MATN2: variants seen among roughly 807,000 people sequenced by gnomAD.
MATN2 encodes matrilin-2.
MATN2 carries 69 observed loss-of-function variants against 103.2 expected under a neutral mutation model. The ratio of observed to expected loss-of-function variants is 0.67; its 90% CI spans 0.55 to 0.82. MATN2 has a LOEUF of 0.82. Among genes scored for constraint, MATN2 ranks in the 40% least tolerant of loss-of-function variants. The pLI is 0.00. For missense variants in MATN2, 1,023 were observed against 1,211.5 expected (o/e 0.84, Z 2.31); for synonymous variants, 429 against 450.2 (o/e 0.95, Z 0.60).
At chr8:97,950,516 G>T (rs934487816) in intron 4 of MATN2, among the ~76,000 whole-genome samples, 2 of 152,104 alleles carry the variant, frequency 1.3e-5, no homozygotes, top group African/African-American at 4.8e-5. Context: ...CTATGGGCCT[G>T]ATACTCTTAT....
At chr8:98,011,421 G>T (rs1032982940) in intron 10 of MATN2, among the ~76,000 whole-genome samples, 2 of 152,164 alleles carry the variant, frequency 1.3e-5, no homozygotes, top group Non-Finnish European at 2.9e-5. Context: ...CCCTTATTTT[G>T]TGGGAAACGG....
chr8:98,032,729 A>G lies in MATN2; in HGVS notation c.2582-313A>G, dbSNP rs546887978. Among the ~76,000 whole-genome samples the G allele has an allele frequency of 3.2e-4, 49 of 152,034 alleles. 1 individual carries two copies. Among genetic ancestry groups the G allele is most frequent in the Admixed American group, 2.1e-3 (32 of 15,272 alleles). ...GTATTTTTAGTAGAGACGGGGTTTT[A>G]CCATGTTGGCCAGGCTGGTCTTGAA... On this transcript the variant is annotated intron_variant, in intron 16 of 18. Transcript: ENST00000254898.
chr8:97,885,792 C>T (rs892528251), intron 1 of MATN2, among the ~76,000 whole-genome samples: 4 of 152,034 alleles, frequency 2.6e-5, no homozygotes, highest in African/African-American at 9.7e-5. Flanking sequence ...GAGTGAGACC[C>T]TGTCTCAAAA....
intron 1 of MATN2, 84 bp from the exon 2 acceptor site, chr8:97,887,991 C>T (rs1448033862): frequency 2.6e-5 from 34 of 1,306,476 alleles, no homozygotes; most frequent in South Asian, 2.9e-5. Flanking sequence ...TCTGAAAAGG[C>T]GGGGCAGCGG....
At chr8:98,032,995 C>A in intron 16 of MATN2, 47 bp from the exon 17 acceptor site, 2 of 1,563,190 alleles carry the variant, frequency 1.3e-6, no homozygotes, top group Non-Finnish European at 1.7e-6. Context: ...TGTTTTATAA[C>A]CAAAAGCGTT....
chr8:97,881,500 T>C (rs2129953768), intron 1 of MATN2, among the ~76,000 whole-genome samples: 1 of 152,326 alleles, frequency 6.6e-6, no homozygotes, highest in East Asian at 1.9e-4. Flanking sequence ...AAAAGACTCA[T>C]TGTCCCATGG....
chr8:97,923,210 A>C (rs1174531430), intron 2 of MATN2, among the ~76,000 whole-genome samples: 1 of 151,728 alleles, frequency 6.6e-6, no homozygotes, highest in Non-Finnish European at 1.5e-5. Context: ...CTCTCATCAT[A>C]AAACAGCTTC....
Position 97,977,751 on chromosome 8 carries a change from C to T in MATN2, c.959-1135C>T, listed in dbSNP as rs115303836. 9.1e-3 allele frequency among the ~76,000 whole-genome samples: 1,384 copies of T among 152,290 alleles called. 20 individuals carry two copies. Among genetic ancestry groups the T allele is most frequent in the African/African-American group, 0.032 (1,316 of 41,556 alleles). On this transcript the variant is annotated intron_variant, in intron 5 of 18. Coordinates refer to ENST00000254898, the MANE Select transcript of MATN2 (RefSeq NM_002380.5). ...CCCCCTTCTCATCTCCCACCTCTCT[C>T]CCTCCTCCAGCCACCCTGGCCTCTT...
At chr8:97,951,490 C>T (rs1810950327) in intron 4 of MATN2, among the ~76,000 whole-genome samples, 1 of 152,152 alleles carries the variant, frequency 6.6e-6, no homozygotes, top group African/African-American at 2.4e-5. Flanking sequence ...ACTAGAAATG[C>T]AGGTTCCCAG....
chr8:97,950,320 C>T (rs1215450027), intron 4 of MATN2, among the ~76,000 whole-genome samples: 2 of 152,182 alleles, frequency 1.3e-5, no homozygotes, highest in Non-Finnish European at 2.9e-5. Flanking sequence ...CAATTTGATT[C>T]TCAAGCTAAG....
intron 1 of MATN2, among the ~76,000 whole-genome samples, chr8:97,876,520 C>T (rs937000274): frequency 3.9e-5 from 6 of 152,040 alleles, no homozygotes; most frequent in Non-Finnish European, 8.8e-5. Flanking sequence ...GACAGGGTCT[C>T]ACAATATTGA....
chr8:97,972,634 A>C (rs1811700354), intron 5 of MATN2, among the ~76,000 whole-genome samples: 1 of 152,248 alleles, frequency 6.6e-6, no homozygotes, highest in African/African-American at 2.4e-5. Context: ...AAAACGTTAG[A>C]ATTGGACCAG....
At chr8:98,022,067 C>T (rs1334874554) in intron 13 of MATN2, among the ~76,000 whole-genome samples, 1 of 152,134 alleles carries the variant, frequency 6.6e-6, no homozygotes. Flanking sequence ...TTATACAGCA[C>T]TATTTGTAGC....
rs62523594 is a variant in MATN2 at position 98,012,215 on chromosome 8, G to A, written c.1574-4325G>A. On this transcript the variant is annotated intron_variant, in intron 10 of 18. Transcript: ENST00000254898. ...TATTTACTGTGTACCTGCATTGTGC[G>A]GGGTGCTGGGGATCTCTGGGGTTGA... Among the ~76,000 whole-genome samples the A allele has an allele frequency of 1.2e-3, 188 of 152,088 alleles. 1 individual carries two copies. The highest frequency in any genetic ancestry group is 1.9e-3 in the Non-Finnish European group (131 of 67,992).
intron 18 of MATN2, 101 bp from the exon 19 acceptor site, chr8:98,035,556 T>A (rs1468091911): frequency 1.5e-6 from 1 of 670,690 alleles, no homozygotes; most frequent in African/African-American, 1.8e-5. Flanking sequence ...AACCAAAACC[T>A]TTTAGATTTC....
In MATN2 at chr8:98,033,566, C is replaced by A. The variant is rs1171263253; in HGVS notation, c.2722C>A (p.Pro908Thr). ...CTTTCCATCTGCTTTCTCAGGAAGC[C>A]CTTTGGAAGAAAAACACGATCAATG... ...LSHSTKPSGS[P>T]LEEKHDQCKC... Residue 908 changes from proline to threonine, a missense_variant, in exon 18 of 19, where the codon CCT becomes ACT. Coordinates refer to ENST00000254898, the MANE Select transcript of MATN2 (RefSeq NM_002380.5). The A allele has an allele frequency of 6.3e-7, 1 of 1,583,190 alleles. No homozygotes were observed. Among genetic ancestry groups the A allele is most frequent in the African/African-American group, 1.4e-5 (1 of 74,014 alleles).
rs377422900 is a variant in MATN2 at position 97,930,907 on chromosome 8, C to T, written c.143-46C>T. On this transcript the variant is annotated intron_variant, in intron 2 of 18. Transcript: ENST00000254898. ...CTGGGATTACAGGTGTGAGCCACCA[C>T]ACCTGGCCTCTCTTCTAATGTATTT... 111 of 1,403,696 alleles carry T rather than the reference C, an allele frequency of 7.9e-5. No homozygotes were observed. In the African/African-American group the frequency reaches 1.5e-3, roughly 18 times the overall value. The allele number at this position is 1,403,696 out of a possible 1,614,324, so 87.0% of individuals were successfully genotyped here.
At chr8:97,961,581 TGAG>T in intron 5 of MATN2, 51 bp downstream of exon 5, 1 of 1,556,456 alleles carries the variant, frequency 6.4e-7, no homozygotes, top group Non-Finnish European at 8.7e-7. Flanking sequence ...TTAAGCATGG[TGAG>T]GAGGAGGGGA....
rs1246736540 is a variant in MATN2, at chr8:97,888,108, A to T, written c.8A>T (p.Lys3Met). Residue 3 changes from lysine (K) to methionine (M), a missense_variant, in exon 2 of 19, where the codon AAG becomes ATG. Lys to Met is a moderately conservative substitution (Grantham distance 95). Coordinates refer to ENST00000254898, the MANE Select transcript of MATN2 (RefSeq NM_002380.5). ME[K>M]MLAGCFLLIL... Reference sequence around the variant, plus strand: ...CTCTTGCTCGCCTTGAAAATGGAAAAGATGCTCGCAGGCTGCTTTCTGCTG... The same window carrying T: ...CTCTTGCTCGCCTTGAAAATGGAAATGATGCTCGCAGGCTGCTTTCTGCTG... The T allele has an allele frequency of 1.2e-6, 2 of 1,607,628 alleles. No homozygotes were observed. Among genetic ancestry groups the T allele is most frequent in the Admixed American group, 1.7e-5 (1 of 58,746 alleles).
Sources: gnomAD v4.1 joint callset for allele counts (sites outside exome capture counted in the v4.1 genomes callset) on GRCh38, gnomAD v4.1.1 for gene constraint, MANE v1.5 for transcripts, NCBI Gene and HGNC (gene_info 2026-07-23, HGNC 2026-07-21) for gene names.